KCNT2: variants seen among roughly 807,000 people sequenced by gnomAD.
KCNT2 encodes potassium channel subfamily T member 2.
Under a neutral mutation model 153.8 loss-of-function variants are expected in KCNT2, and 67 were observed. That is an observed-to-expected ratio of 0.44 (90% CI 0.36 to 0.53). The LOEUF is 0.53. Ranked by LOEUF, KCNT2 falls within the 20% of genes least tolerant of loss-of-function variation. The probability of loss-of-function intolerance (pLI) is 0.00; values close to 1 mark genes in which losing one functional copy is unlikely to be tolerated. For missense variants in KCNT2, 975 were observed against 1,354.8 expected, an observed-to-expected ratio of 0.72 and a Z score of 4.40; for synonymous variants, 500 against 458.8, an observed-to-expected ratio of 1.09 and a Z score of -1.15.
intron 25 of KCNT2, among the ~76,000 whole-genome samples, chr1:196,264,444 A>C (rs1657324971): frequency 6.6e-6 from 1 of 152,012 alleles, no homozygotes; most frequent in African/African-American, 2.4e-5. Flanking sequence ...CAAGATATGG[A>C]GACATTCATT....
chr1:196,364,275 A>C (rs1372376559), intron 14 of KCNT2, among the ~76,000 whole-genome samples: 1 of 152,136 alleles, frequency 6.6e-6, no homozygotes, highest in Non-Finnish European at 1.5e-5. Flanking sequence ...AATTGGTTCA[A>C]ATTAAAAGGT....
chr1:196,572,391 T>C (rs998159438), intron 1 of KCNT2, among the ~76,000 whole-genome samples: 3 of 151,854 alleles, frequency 2.0e-5, no homozygotes, highest in African/African-American at 7.3e-5. Flanking sequence ...GCTCAGCATC[T>C]AGGAAAGAAG....
At chr1:196,244,951 C>T (rs1655301902) in intron 26 of KCNT2, among the ~76,000 whole-genome samples, 1 of 152,116 alleles carries the variant, frequency 6.6e-6, no homozygotes, top group Non-Finnish European at 1.5e-5. Context: ...GTAGTGCTGG[C>T]CAGAGGGGTG....
chr1:196,593,311 T>TATATATATATATACAC (rs1256165838), intron 1 of KCNT2, among the ~76,000 whole-genome samples: 92 of 140,200 alleles, frequency 6.6e-4, no homozygotes, highest in African/African-American at 2.1e-3. Flanking sequence ...TATATATATA[T>TATATATATATATACAC]ACACACACAC....
intron 13 of KCNT2, among the ~76,000 whole-genome samples, chr1:196,389,321 C>T (rs1670272147): frequency 6.6e-6 from 1 of 151,572 alleles, no homozygotes; most frequent in Admixed American, 6.6e-5. Flanking sequence ...TTGGCTTTGG[C>T]CTAATCAAAT....
intron 1 of KCNT2, among the ~76,000 whole-genome samples, chr1:196,565,035 C>T (rs534901343): frequency 1.4e-5 from 2 of 147,878 alleles, no homozygotes; most frequent in East Asian, 4.0e-4. Context: ...AGACAATCTA[C>T]AGAATAGGAG....
At position 196,429,777 on chromosome 1, in the gene KCNT2, T is replaced by C. The variant is rs1391783930; in HGVS notation, c.639-20A>G. Reference sequence around the variant, plus strand: ...CAAATGCTAAAGAAACAAATATGCATTACAATTAAATCTTTCAAACTGGAC... The same window carrying C: ...CAAATGCTAAAGAAACAAATATGCACTACAATTAAATCTTTCAAACTGGAC... On this transcript the variant is annotated intron_variant, in intron 8 of 27. Transcript: ENST00000294725. 1 of 1,539,210 alleles carries C rather than the reference T, an allele frequency of 6.5e-7. No homozygotes were observed. Among genetic ancestry groups the C allele is most frequent in the East Asian group, 2.3e-5 (1 of 43,816 alleles).
At chr1:196,326,062 C>T (rs980094897) in intron 19 of KCNT2, among the ~76,000 whole-genome samples, 5 of 152,042 alleles carry the variant, frequency 3.3e-5, no homozygotes, top group Non-Finnish European at 7.4e-5. Context: ...AATTTCCAGT[C>T]ACAGAGACGG....
rs750831424 is a variant in KCNT2 at position 196,282,310 on chromosome 1, C to G, written c.2744G>C (p.Gly915Ala). Residue 915 changes from glycine (G) to alanine (A), a missense_variant, in exon 24 of 28, where the codon GGA becomes GCA. Physicochemically the swap from Gly to Ala is moderately conservative, Grantham distance 60. Transcript: ENST00000294725. ...CCCAGATCCTGGTGTAGTGTCCAGT[C>G]CCAACAGAAGTCTCGTGATAGAAAT... ...YMISITRLLLGLDTTPGSGFL... is the reference protein window; with the variant it reads ...YMISITRLLLALDTTPGSGFL... The G allele has an allele frequency of 6.2e-7, 1 of 1,603,336 alleles. No individual in the cohort carries two copies. Among genetic ancestry groups the G allele is most frequent in the Non-Finnish European group, 8.5e-7 (1 of 1,170,942 alleles).
intron 12 of KCNT2, among the ~76,000 whole-genome samples, chr1:196,420,628 G>T (rs917227823): frequency 6.6e-6 from 1 of 151,860 alleles, no homozygotes; most frequent in Non-Finnish European, 1.5e-5. Flanking sequence ...ACACACTTTT[G>T]ATTGAATGAT....
intron 26 of KCNT2, among the ~76,000 whole-genome samples, chr1:196,249,004 C>T (rs768968220): frequency 1.3e-5 from 2 of 152,062 alleles, no homozygotes; most frequent in Non-Finnish European, 2.9e-5. Flanking sequence ...GATGCTTCAA[C>T]ATGTGCAAAT....
At chr1:196,545,303 G>A (rs1294459027) in intron 1 of KCNT2, among the ~76,000 whole-genome samples, 1 of 151,900 alleles carries the variant, frequency 6.6e-6, no homozygotes, top group Admixed American at 6.6e-5. Context: ...AGAGAATAAG[G>A]GAAGAATAAG....
intron 1 of KCNT2, among the ~76,000 whole-genome samples, chr1:196,505,819 C>T (rs1378870397): frequency 3.9e-5 from 6 of 151,998 alleles, no homozygotes. Flanking sequence ...AAGTTGGATT[C>T]CTAGGTATTT....
At chr1:196,256,222 GTT>G (rs1402468410) in intron 26 of KCNT2, among the ~76,000 whole-genome samples, 1 of 151,804 alleles carries the variant, frequency 6.6e-6, no homozygotes, top group African/African-American at 2.4e-5. Flanking sequence ...CTGAAATCAA[GTT>G]TATAAACCTG....
At chr1:196,529,419 G>A (rs899867195) in intron 1 of KCNT2, among the ~76,000 whole-genome samples, 2 of 152,026 alleles carry the variant, frequency 1.3e-5, no homozygotes, top group Non-Finnish European at 2.9e-5. Flanking sequence ...AGATATTGAC[G>A]GTTGAAGTCG....
chr1:196,593,471 T>C (rs1558117064), intron 1 of KCNT2, among the ~76,000 whole-genome samples: 1 of 151,976 alleles, frequency 6.6e-6, no homozygotes, highest in Admixed American at 6.6e-5. Context: ...TGCAAGTATC[T>C]TTTTGTATAA....
intron 22 of KCNT2, among the ~76,000 whole-genome samples, chr1:196,303,301 C>T (rs1661354030): frequency 6.6e-6 from 1 of 152,084 alleles, no homozygotes; most frequent in South Asian, 2.1e-4. Context: ...AGCCTAGATA[C>T]CTGGTATTAA....
At chr1:196,382,566 A>C (rs946657015) in intron 13 of KCNT2, among the ~76,000 whole-genome samples, 3 of 152,136 alleles carry the variant, frequency 2.0e-5, no homozygotes, top group African/African-American at 7.2e-5. Context: ...AAGGAAGGAA[A>C]AATATTGCTG....
chr1:196,362,184 T>C (rs1667689349), intron 14 of KCNT2, among the ~76,000 whole-genome samples: 1 of 152,054 alleles, frequency 6.6e-6, no homozygotes, highest in Non-Finnish European at 1.5e-5. Context: ...TTTGAGAAAC[T>C]TTCTCCTCCT....
Sources: gnomAD v4.1 joint callset for allele counts (sites outside exome capture counted in the v4.1 genomes callset) on GRCh38, gnomAD v4.1.1 for gene constraint, MANE v1.5 for transcripts, NCBI Gene and HGNC (gene_info 2026-07-23, HGNC 2026-07-21) for gene names.